MTSS1: variants seen among roughly 807,000 people sequenced by gnomAD.
MTSS1 encodes MTSS I-BAR domain containing 1, also known as protein MTSS 1.
A neutral mutation model predicts 79.0 loss-of-function variants in MTSS1; 18 were observed. The observed-to-expected ratio is 0.23, with a 90% CI of 0.16 to 0.34. MTSS1 has a LOEUF of 0.34. Among genes scored for constraint, MTSS1 ranks in the 10% least tolerant of loss-of-function variants. The pLI is 1.00. For missense variants in MTSS1, 815 were observed against 986.2 expected, an observed-to-expected ratio of 0.83 and a Z score of 2.33; for synonymous variants, 341 against 368.6, an observed-to-expected ratio of 0.93 and a Z score of 0.86.
chr8:124,716,353 C>G (rs1242610757), intron 1 of MTSS1, among the ~76,000 whole-genome samples: 1 of 152,182 alleles, frequency 6.6e-6, no homozygotes. Context: ...CATGCTCTGC[C>G]TAGGCACAGA....
At chr8:124,702,399 C>T (rs1387113200) in intron 2 of MTSS1, among the ~76,000 whole-genome samples, 1 of 152,096 alleles carries the variant, frequency 6.6e-6, no homozygotes, top group Non-Finnish European at 1.5e-5. Context: ...GGATCTGATC[C>T]AGTAGAAAGT....
chr8:124,570,105 C>T (rs942572980), intron 6 of MTSS1, among the ~76,000 whole-genome samples: 76 of 152,312 alleles, frequency 5.0e-4, no homozygotes, highest in African/African-American at 1.8e-3. Flanking sequence ...AAGAGGCAAT[C>T]AGGCTTAAAG....
At chr8:124,557,569 C>A in intron 11 of MTSS1, 112 bp downstream of exon 11, 1 of 1,119,830 alleles carries the variant, frequency 8.9e-7, no homozygotes, top group Non-Finnish European at 1.3e-6. Flanking sequence ...GGGAAGAAGG[C>A]AGAGTGTGAA....
intron 6 of MTSS1, among the ~76,000 whole-genome samples, chr8:124,580,913 C>T (rs1165703447): frequency 6.6e-6 from 1 of 151,988 alleles, no homozygotes; most frequent in Non-Finnish European, 1.5e-5. Context: ...CATTTACCAT[C>T]ACTTGAAAAA....
At chr8:124,569,646 A>G (rs1827311429) in intron 6 of MTSS1, among the ~76,000 whole-genome samples, 2 of 152,218 alleles carry the variant, frequency 1.3e-5, no homozygotes, top group Admixed American at 1.3e-4. Flanking sequence ...AAACTTCTTC[A>G]GGGCAGGATT....
intron 1 of MTSS1, among the ~76,000 whole-genome samples, chr8:124,723,905 T>A (rs1430849): frequency 1.3e-5 from 2 of 152,070 alleles, no homozygotes; most frequent in African/African-American, 4.8e-5. Flanking sequence ...GGAGAAAACT[T>A]TTTTTTTGAG....
At chr8:124,697,421 G>A (rs1432397088) in intron 3 of MTSS1, among the ~76,000 whole-genome samples, 4 of 151,924 alleles carry the variant, frequency 2.6e-5, no homozygotes, top group South Asian at 2.1e-4. Flanking sequence ...TTAGTCGGGC[G>A]TGGTGGCACA....
At chr8:124,558,144 T>C (rs1184042035) in intron 10 of MTSS1, 1 of 398,588 alleles carries the variant, frequency 2.5e-6, no homozygotes, top group Non-Finnish European at 4.5e-6. Context: ...GTGCCCTCAA[T>C]TTGTGGCCTT....
intron 1 of MTSS1, among the ~76,000 whole-genome samples, chr8:124,722,798 G>A (rs1009297381): frequency 6.6e-6 from 1 of 152,162 alleles, no homozygotes; most frequent in Admixed American, 6.5e-5. Flanking sequence ...TTTTGCAGAG[G>A]TGTGGGTTTT....
At chr8:124,636,695 A>G (rs1003272495) in intron 3 of MTSS1, among the ~76,000 whole-genome samples, 1 of 152,156 alleles carries the variant, frequency 6.6e-6, no homozygotes, top group Non-Finnish European at 1.5e-5. Context: ...ACAGCTGACC[A>G]AGAGTCTCAA....
At chr8:124,666,010 C>T (rs1446019023) in intron 3 of MTSS1, among the ~76,000 whole-genome samples, 1 of 152,190 alleles carries the variant, frequency 6.6e-6, no homozygotes, top group African/African-American at 2.4e-5. Context: ...AATATTAGAC[C>T]CTATTTCACA....
chr8:124,654,730 T>A (rs899770592), intron 3 of MTSS1, among the ~76,000 whole-genome samples: 1 of 152,196 alleles, frequency 6.6e-6, no homozygotes, highest in Non-Finnish European at 1.5e-5. Flanking sequence ...GTAACTCACA[T>A]GACTATCTGA....
chr8:124,701,225 A>G (rs1829651000), intron 2 of MTSS1, among the ~76,000 whole-genome samples: 1 of 152,180 alleles, frequency 6.6e-6, no homozygotes, highest in Non-Finnish European at 1.5e-5. Flanking sequence ...TGACAGAGCA[A>G]TACCCTCTCT....
intron 3 of MTSS1, among the ~76,000 whole-genome samples, chr8:124,637,302 T>TG (rs1373582476): frequency 6.6e-6 from 1 of 152,042 alleles, no homozygotes; most frequent in African/African-American, 2.4e-5. Flanking sequence ...ACCAGGAAAA[T>TG]GGAGTGGTAA....
At position 124,600,615 on chromosome 8, in the gene MTSS1, G is replaced by A. The variant is rs114676112; in HGVS notation, c.209-9380C>T. On this transcript the variant is annotated intron_variant, in intron 3 of 13. Coordinates refer to ENST00000518547, the MANE Select transcript of MTSS1 (RefSeq NM_014751.6). ...TGAGTCCTACAGGAAGGCAGAGGCC[G>A]GAGTAAGTAAATGTGGCTGGGCTGG... Among the ~76,000 whole-genome samples the A allele has an allele frequency of 1.4e-3, 213 of 152,306 alleles. 1 individual carries two copies. The highest frequency in any genetic ancestry group is 4.6e-3 in the African/African-American group (192 of 41,570).
In MTSS1 at chr8:124,552,246, T is replaced by TAAAC. The variant is rs1554625577; in HGVS notation, c.*742_*745dup. 1.3e-5 allele frequency: 2 copies of TAAAC among 152,710 alleles called. No individual in the cohort carries two copies. The highest frequency in any genetic ancestry group is 2.9e-5 in the Non-Finnish European group (2 of 68,130). The allele number at this position is 152,710 out of a possible 1,614,324, so 9.5% of individuals were successfully genotyped here. A position where few individuals can be genotyped will look rare whatever the true frequency, so the allele number is the denominator to read the frequency against. On this transcript the variant is annotated 3_prime_UTR_variant, in exon 14 of 14. Transcript: ENST00000518547. ...CATGGGAGAAAGGAAGTCAAGTCCT[T>TAAAC]AAACACCCTACAGAAACAAACACTG... is the stretch of plus-strand genomic sequence containing the variant.
At chr8:124,578,418 C>T (rs557761740) in intron 6 of MTSS1, among the ~76,000 whole-genome samples, 1 of 152,100 alleles carries the variant, frequency 6.6e-6, no homozygotes, top group East Asian at 1.9e-4. Flanking sequence ...ACCCCTCATG[C>T]TCCTCCTCAT....
intron 3 of MTSS1, among the ~76,000 whole-genome samples, chr8:124,648,362 A>G (rs1458876713): frequency 1.3e-5 from 2 of 152,140 alleles, no homozygotes; most frequent in Admixed American, 6.5e-5. Context: ...TTCTGTTACA[A>G]AAGTTTTGGG....
Position 124,561,596 on chromosome 8 carries a change from C to CAGTCTTGGAAGGGAAGGAGAAAA in MTSS1, c.1035+1185_1035+1186insTTTTCTCCTTCCCTTCCAAGACT, listed in dbSNP as rs764952064. Among the ~76,000 whole-genome samples, 451 of 152,268 alleles carry CAGTCTTGGAAGGGAAGGAGAAAA rather than the reference C, an allele frequency of 3.0e-3. 2 individuals carry two copies. The highest frequency in any genetic ancestry group is 6.8e-3 in the Middle Eastern group (2 of 294). On this transcript the variant is annotated intron_variant, in intron 10 of 13. Transcript: ENST00000518547. ...AGTCTTGGAAGGGAAGGCTGCAGCACGTGGCTTCTCCTTTTCAGAAAGGGG... is the reference window on the plus strand; with the variant it reads ...AGTCTTGGAAGGGAAGGCTGCAGCACAGTCTTGGAAGGGAAGGAGAAAAGTGGCTTCTCCTTTTCAGAAAGGGG...
Sources: allele counts gnomAD v4.1 joint callset (sites outside exome capture counted in the v4.1 genomes callset), GRCh38; gene constraint gnomAD v4.1.1; transcripts MANE v1.5; gene names NCBI Gene and HGNC (gene_info 2026-07-23, HGNC 2026-07-21).